Variants in ANXA8 observed in about 807,000 individuals in gnomAD.
ANXA8 encodes the protein annexin A8.
Under a neutral mutation model 26.8 loss-of-function variants are expected in ANXA8, and 9 were observed. That is an observed-to-expected ratio of 0.34 (90% CI 0.20 to 0.59). The LOEUF (loss-of-function observed/expected upper bound fraction) is 0.59, where lower values mean the gene tolerates loss of function less well. ANXA8 is among the 20% of genes least tolerant of loss of function. ANXA8 has a pLI of 0.84. For missense variants in ANXA8, 83 were observed against 238.5 expected (o/e 0.35, Z 4.29); for synonymous variants, 39 against 94.8 (o/e 0.41, Z 3.42).
At chr10:47,649,903 T>C in the ANXA8 span, among the ~76,000 whole-genome samples, 1 of 149,080 alleles carries the variant, frequency 6.7e-6, no homozygotes, top group Non-Finnish European at 1.5e-5. Flanking sequence ...GTAAGTTTTG[T>C]ATTTTTTGTA....
At chr10:47,656,001 C>A in the ANXA8 span, among the ~76,000 whole-genome samples, 1 of 151,962 alleles carries the variant, frequency 6.6e-6, no homozygotes, top group Non-Finnish European at 1.5e-5. Context: ...GCCTGGGCAA[C>A]AAGAGTGAAA....
the ANXA8 span, among the ~76,000 whole-genome samples, chr10:47,659,162 C>T: frequency 2.0e-5 from 3 of 151,856 alleles, no homozygotes; most frequent in Admixed American, 6.6e-5. Flanking sequence ...TGAACCACTG[C>T]ACCCGGCTGT....
At chr10:47,486,433 A>G (rs1840048656), upstream of ANXA8, among the ~76,000 whole-genome samples, 1 of 139,864 alleles carries the variant, frequency 7.1e-6, no homozygotes, top group South Asian at 2.4e-4. Flanking sequence ...AAGCACAGAC[A>G]CTAACTATTC....
the ANXA8 span, among the ~76,000 whole-genome samples, chr10:47,968,776 C>G: frequency 6.6e-6 from 1 of 150,572 alleles, no homozygotes; most frequent in Non-Finnish European, 1.5e-5. Flanking sequence ...TTTCTAGCCA[C>G]TGACTCGGTC....
At chr10:47,746,471 C>T in the ANXA8 span, among the ~76,000 whole-genome samples, 1 of 64,688 alleles carries the variant, frequency 1.5e-5, no homozygotes, top group African/African-American at 4.7e-5. Context: ...GCCTGGGCAA[C>T]AAGAGCAAAA....
chr10:47,658,914 C>A, the ANXA8 span, among the ~76,000 whole-genome samples: 59 of 148,394 alleles, frequency 4.0e-4, 2 homozygotes, highest in African/African-American at 1.5e-3. Context: ...CTCTGTCGCC[C>A]AGGCTGGAGT....
At chr10:47,937,471 A>C in the ANXA8 span, among the ~76,000 whole-genome samples, 6 of 147,912 alleles carry the variant, frequency 4.1e-5, no homozygotes, top group African/African-American at 1.5e-4. Flanking sequence ...ATTTTTTAAA[A>C]TCTTTTATTT....
At chr10:47,502,447 T>C in the ANXA8 span, 3 of 1,612,372 alleles carry the variant, frequency 1.9e-6, no homozygotes, top group Non-Finnish European at 2.5e-6. Flanking sequence ...TTCCTTCTCT[T>C]CCCTCGTGGA....
chr10:47,507,490 C>A, the ANXA8 span: 2 of 1,491,610 alleles, frequency 1.3e-6, 1 homozygote. Context: ...TAACACTGAG[C>A]TTGATATCTT....
the ANXA8 span, among the ~76,000 whole-genome samples, chr10:47,945,548 C>CA: frequency 2.0e-5 from 3 of 148,622 alleles, 1 homozygote; most frequent in East Asian, 6.4e-4. Context: ...CAGAGAGGGA[C>CA]AGCCTGAGTT....
the ANXA8 span, among the ~76,000 whole-genome samples, chr10:47,560,951 C>T: frequency 7.9e-5 from 12 of 151,490 alleles, no homozygotes; most frequent in South Asian, 4.2e-4. Context: ...TCTGGGACTA[C>T]GGGCACATGC....
At chr10:47,618,959 T>C in the ANXA8 span, among the ~76,000 whole-genome samples, 1 of 115,114 alleles carries the variant, frequency 8.7e-6, no homozygotes, top group Non-Finnish European at 1.9e-5. Flanking sequence ...TAGCTGTGAG[T>C]ATAAAATTAA....
At chr10:47,589,792 C>G in the ANXA8 span, among the ~76,000 whole-genome samples, 1 of 145,298 alleles carries the variant, frequency 6.9e-6, no homozygotes, top group Non-Finnish European at 1.5e-5. Flanking sequence ...TCTACCTTTT[C>G]AGATTGCAGG....
chr10:47,522,168 C>G, the ANXA8 span, among the ~76,000 whole-genome samples: 1 of 141,784 alleles, frequency 7.1e-6, no homozygotes, highest in African/African-American at 2.6e-5. Flanking sequence ...GCAACAAACA[C>G]TCTTACAGGG....
chr10:47,896,072 T>C, the ANXA8 span, among the ~76,000 whole-genome samples: 42,274 of 147,360 alleles, frequency 0.29, 5,206 homozygotes, highest in Non-Finnish European at 0.32. Context: ...CTCTTGGGAA[T>C]ATGAGACAAA....
At chr10:47,652,122 G>A in the ANXA8 span, among the ~76,000 whole-genome samples, 4 of 151,996 alleles carry the variant, frequency 2.6e-5, no homozygotes, top group Non-Finnish European at 5.9e-5. Context: ...GAGATCAATG[G>A]TTTCTAGGAG....
the ANXA8 span, among the ~76,000 whole-genome samples, chr10:47,566,998 G>A: frequency 6.7e-6 from 1 of 148,288 alleles, no homozygotes. Context: ...AGGAGGGGGT[G>A]GGCTTAGGGT....
At chr10:47,554,230 C>T in the ANXA8 span, among the ~76,000 whole-genome samples, 1,121 of 138,080 alleles carry the variant, frequency 8.1e-3, 41 homozygotes, top group African/African-American at 0.029. Flanking sequence ...TGAGGCGGGA[C>T]GATCGCTTGA....
the ANXA8 span, among the ~76,000 whole-genome samples, chr10:47,775,942 A>G: frequency 1.3e-5 from 2 of 151,260 alleles, no homozygotes; most frequent in Non-Finnish European, 2.9e-5. Context: ...GAAACAGGGC[A>G]GGAGCAAGAC....
Sources: gnomAD v4.1 joint callset for allele counts (sites outside exome capture counted in the v4.1 genomes callset) on GRCh38, gnomAD v4.1.1 for gene constraint, MANE v1.5 for transcripts, NCBI Gene and HGNC (gene_info 2026-07-23, HGNC 2026-07-21) for gene names.